The following PCDHA10 variants were observed in gnomAD, a reference collection of about 807,000 sequenced individuals.
The protein encoded by PCDHA10 is protocadherin alpha 10.
A neutral mutation model predicts 61.2 loss-of-function variants in PCDHA10; 45 were observed. That is an observed-to-expected ratio of 0.74 (90% CI 0.58 to 0.94). PCDHA10 has a LOEUF of 0.94. Ranked by LOEUF, PCDHA10 falls within the 40% of genes least tolerant of loss-of-function variation. The probability of loss-of-function intolerance (pLI) is 0.00; values close to 1 mark genes in which losing one functional copy is unlikely to be tolerated. For missense variants in PCDHA10, 1,278 were observed against 1,236.2 expected, an observed-to-expected ratio of 1.03 and a Z score of -0.51; for synonymous variants, 602 against 548.8, an observed-to-expected ratio of 1.10 and a Z score of -1.35.
At chr5:140,924,891 T>C (rs549129193) in intron 1 of PCDHA10, among the ~76,000 whole-genome samples, 1 of 88,410 alleles carries the variant, frequency 1.1e-5, no homozygotes, top group African/African-American at 5.1e-5. Context: ...CAAGAACCTG[T>C]CTCAAAAAAA....
chr5:140,867,911 T>C (rs2050196676), intron 1 of PCDHA10: 1 of 152,134 alleles, frequency 6.6e-6, no homozygotes. Context: ...GAAGGTATAA[T>C]TAAAAATCAC....
intron 1 of PCDHA10, chr5:140,883,107 C>T: frequency 6.2e-7 from 1 of 1,614,064 alleles, no homozygotes. Context: ...ATAGTTTACT[C>T]ATTTAGAAGG....
At chr5:140,967,609 C>T (rs1026350659) in intron 1 of PCDHA10, 26 of 1,614,056 alleles carry the variant, frequency 1.6e-5, no homozygotes, top group Middle Eastern at 1.6e-4. Flanking sequence ...AGCTGAATGC[C>T]TCAGACCCGG....
chr5:140,903,765 C>G (rs782453519), intron 1 of PCDHA10, among the ~76,000 whole-genome samples: 1 of 152,086 alleles, frequency 6.6e-6, no homozygotes. Flanking sequence ...TTTTGCTGAA[C>G]TTTTCTATCC....
intron 1 of PCDHA10, among the ~76,000 whole-genome samples, chr5:140,939,880 G>T (rs2092484713): frequency 6.6e-6 from 1 of 152,140 alleles, no homozygotes; most frequent in African/African-American, 2.4e-5. Context: ...TTTGCTAGTT[G>T]TGTTGTTCAA....
intron 1 of PCDHA10, among the ~76,000 whole-genome samples, chr5:140,893,338 T>A (rs1409461265): frequency 1.3e-5 from 2 of 152,174 alleles, no homozygotes; most frequent in Non-Finnish European, 2.9e-5. Flanking sequence ...TTTTCCTTAG[T>A]GGCAGTGCTA....
intron 1 of PCDHA10, chr5:140,926,299 C>G (rs547710989): frequency 3.9e-5 from 6 of 152,464 alleles, no homozygotes; most frequent in Admixed American, 3.9e-4. Context: ...GAGTCCCGCC[C>G]TCTCCGCCGG....
At chr5:140,863,396 G>A (rs782335492) in intron 1 of PCDHA10, 12 of 872,454 alleles carry the variant, frequency 1.4e-5, no homozygotes, top group South Asian at 8.9e-5. Context: ...TGCATGCCGG[G>A]CAAGCCCACG....
chr5:140,970,854 T>G (rs2096437899), intron 1 of PCDHA10, among the ~76,000 whole-genome samples: 1 of 152,148 alleles, frequency 6.6e-6, no homozygotes, highest in Non-Finnish European at 1.5e-5. Flanking sequence ...GCACAAAAGT[T>G]CCATTCCTGA....
chr5:140,908,405 C>T (rs2073952752), intron 1 of PCDHA10, among the ~76,000 whole-genome samples: 1 of 152,150 alleles, frequency 6.6e-6, no homozygotes, highest in Non-Finnish European at 1.5e-5. Flanking sequence ...ATACCACTTC[C>T]ATTTGATGAT....
chr5:140,869,346 T>C (rs781810947), intron 1 of PCDHA10: 4 of 1,614,054 alleles, frequency 2.5e-6, no homozygotes, highest in Non-Finnish European at 2.5e-6. Context: ...ATCTGCAGAA[T>C]GGCATTTTGT....
intron 1 of PCDHA10, chr5:140,966,455 C>T (rs376758355): frequency 4.7e-6 from 2 of 426,810 alleles, no homozygotes; most frequent in East Asian, 3.5e-5. Flanking sequence ...CCCCCTCCCC[C>T]TCTGTCTTCC....
At chr5:140,871,024 T>A (rs782482530) in intron 1 of PCDHA10, 2 of 1,613,076 alleles carry the variant, frequency 1.2e-6, no homozygotes, top group African/African-American at 1.3e-5. Flanking sequence ...CGAGGCAGAC[T>A]CGCCGCGCCA....
At chr5:140,989,637 T>C (rs1274152423) in intron 3 of PCDHA10, among the ~76,000 whole-genome samples, 2 of 152,070 alleles carry the variant, frequency 1.3e-5, no homozygotes, top group African/African-American at 4.8e-5. Flanking sequence ...ACAGCAAGGG[T>C]CTTTCATGGC....
At chr5:140,868,600 T>C (rs2050538799) in intron 1 of PCDHA10, 1 of 153,224 alleles carries the variant, frequency 6.5e-6, no homozygotes, top group African/African-American at 2.4e-5. Context: ...CCCTAGTTTT[T>C]CATGAGGCCA....
chr5:140,977,610 A>G (rs1056611698), intron 1 of PCDHA10, among the ~76,000 whole-genome samples: 1 of 152,196 alleles, frequency 6.6e-6, no homozygotes, highest in Non-Finnish European at 1.5e-5. Context: ...CCATTGAGGT[A>G]AAGTATCCCA....
intron 1 of PCDHA10, among the ~76,000 whole-genome samples, chr5:140,919,543 T>C (rs2079190617): frequency 6.6e-6 from 1 of 152,200 alleles, no homozygotes; most frequent in Non-Finnish European, 1.5e-5. Context: ...ATACTTTTCA[T>C]TTACTGATTT....
intron 1 of PCDHA10, chr5:140,967,093 G>T: frequency 6.2e-7 from 1 of 1,613,122 alleles, no homozygotes; most frequent in Non-Finnish European, 8.5e-7. Flanking sequence ...ATCGGGAGGC[G>T]CTGTGTGAGC....
At position 140,857,270 on chromosome 5, in the gene PCDHA10, C is replaced by T. The variant is rs782277671; in HGVS notation, c.1222C>T (p.Leu408=). Residue 408 remains leucine (L), a synonymous_variant, in exon 1 of 4, where the codon CTG becomes TTG. Coordinates refer to ENST00000307360, the MANE Select transcript of PCDHA10 (RefSeq NM_018901.4). ...STYKNYYSLV[L]DSALDRERVS... ...CTACAAGAATTACTACTCATTGGTG[C>T]TGGACAGCGCTCTGGACCGCGAGAG... 5.0e-6 allele frequency: 8 copies of T among 1,598,754 alleles called. 2 individuals are homozygous for T. The highest frequency in any genetic ancestry group is 4.3e-6 in the Non-Finnish European group (5 of 1,168,052).
Sources: allele counts gnomAD v4.1 joint callset (sites outside exome capture counted in the v4.1 genomes callset), GRCh38; gene constraint gnomAD v4.1.1; transcripts MANE v1.5; gene names NCBI Gene and HGNC (gene_info 2026-07-23, HGNC 2026-07-21).